RECK: variants seen among roughly 807,000 people sequenced by gnomAD.
The protein encoded by RECK is reversion inducing cysteine rich protein with kazal motifs.
Under a neutral mutation model 115.1 loss-of-function variants are expected in RECK, and 69 were observed. That is an observed-to-expected ratio of 0.60 (90% CI 0.49 to 0.73). The LOEUF is 0.73. Among genes scored for constraint, RECK ranks in the 30% least tolerant of loss-of-function variants. The pLI is 0.00. For synonymous variants in RECK, 414 were observed against 419.7 expected (o/e 0.99, Z 0.17); for missense variants, 1,047 against 1,203.7 (o/e 0.87, Z 1.93).
chr9:36,116,892 C>G lies in RECK; in HGVS notation c.2061-93C>G, dbSNP rs564827299. On this transcript the variant is annotated intron_variant, in intron 16 of 20. Coordinates refer to ENST00000377966, the MANE Select transcript of RECK (RefSeq NM_021111.3). ...ACTGTCCTGATTCATCTCTTGCTCT[C>G]TCTTCAGCCTCCTATCCCTCATCTA... The G allele has an allele frequency of 1.5e-5, 15 of 996,430 alleles. No homozygotes were observed. The East Asian group carries it at 3.4e-4, about 23-fold the overall frequency. 61.7% of individuals were successfully genotyped at this position (996,430 alleles called of 1,614,324 possible).
chr9:36,093,865 A>G (rs1211884185), intron 10 of RECK, among the ~76,000 whole-genome samples: 1 of 152,210 alleles, frequency 6.6e-6, no homozygotes, highest in Non-Finnish European at 1.5e-5. Context: ...GGAGAAAAAA[A>G]GACACTTTAC....
Position 36,121,683 on chromosome 9 carries a change from C to T in RECK, c.2689C>T (p.Leu897=), listed in dbSNP as rs1431040602. ...TCCCGTCGATCACTATCCAAAAGCT[C>T]TGCAGGTGAGTTCAGCACATGTTGT... ...IIPVDHYPKA[L]QIEACNKEAE... is the part of the protein sequence containing the mutation. Residue 897 remains leucine (L), a synonymous_variant, in exon 20 of 21, where the codon CTG becomes TTG. Transcript: ENST00000377966. 3.7e-6 allele frequency: 6 copies of T among 1,613,890 alleles called. No homozygotes were observed. The highest frequency in any genetic ancestry group is 3.3e-4 in the Middle Eastern group (2 of 6,084).
At chr9:36,075,092 GA>G (rs1299002559) in intron 6 of RECK, among the ~76,000 whole-genome samples, 1 of 152,240 alleles carries the variant, frequency 6.6e-6, no homozygotes, top group African/African-American at 2.4e-5. Flanking sequence ...GTCCAAGAGA[GA>G]AAGTGGAAAC....
chr9:36,122,386 G>A (rs558539330), intron 20 of RECK, among the ~76,000 whole-genome samples: 1 of 152,352 alleles, frequency 6.6e-6, no homozygotes. Context: ...AGAGGTGTGG[G>A]TAACAGGTGT....
intron 17 of RECK, 57 bp downstream of exon 17, chr9:36,117,234 ATT>A: frequency 7.2e-7 from 1 of 1,390,834 alleles, no homozygotes; most frequent in Non-Finnish European, 9.8e-7. Context: ...GGTTTATGAT[ATT>A]TTACAGATGA....
chr9:36,063,220 A>G (rs1369753161), intron 4 of RECK, among the ~76,000 whole-genome samples: 4 of 152,206 alleles, frequency 2.6e-5, no homozygotes, highest in Non-Finnish European at 5.9e-5. Flanking sequence ...CTGAACATCA[A>G]TTGAACCAGA....
In RECK at chr9:36,088,563, G is replaced by C. The variant is rs73648710; in HGVS notation, c.905+602G>C. On this transcript the variant is annotated intron_variant, in intron 9 of 20. Coordinates refer to ENST00000377966, the MANE Select transcript of RECK (RefSeq NM_021111.3). Reference sequence around the variant, plus strand: ...TTATTAGAGATATTTGGGGTAAAAAGGGACCCCATGTTACTCGGATATCCT... The same window carrying C: ...TTATTAGAGATATTTGGGGTAAAAACGGACCCCATGTTACTCGGATATCCT... Among the ~76,000 whole-genome samples, 1,329 of 152,252 alleles carry C rather than the reference G, an allele frequency of 8.7e-3. 20 individuals are homozygous for C. Among genetic ancestry groups the C allele is most frequent in the African/African-American group, 0.031 (1,274 of 41,544 alleles).
chr9:36,074,646 T>C (rs1397417053), intron 6 of RECK, among the ~76,000 whole-genome samples: 1 of 152,182 alleles, frequency 6.6e-6, no homozygotes, highest in African/African-American at 2.4e-5. Context: ...TTTTTCCCAC[T>C]CTGGAGAACA....
At chr9:36,120,774 T>C in intron 19 of RECK, 38 bp downstream of exon 19, 3 of 1,268,560 alleles carry the variant, frequency 2.4e-6, no homozygotes, top group Non-Finnish European at 3.5e-6. Context: ...TGAAATCTTA[T>C]TGCTAAGCCT....
chr9:36,039,522 T>TC (rs1366547517), intron 1 of RECK, among the ~76,000 whole-genome samples: 1 of 152,206 alleles, frequency 6.6e-6, no homozygotes, highest in Admixed American at 6.5e-5. Context: ...TTATTCCTAT[T>TC]CCTGGGGGAT....
At chr9:36,074,955 C>G (rs1822390371) in intron 6 of RECK, among the ~76,000 whole-genome samples, 1 of 152,236 alleles carries the variant, frequency 6.6e-6, no homozygotes, top group Admixed American at 6.5e-5. Context: ...TGTCTACAAT[C>G]AGATGGCAGG....
intron 4 of RECK, among the ~76,000 whole-genome samples, chr9:36,062,787 A>G (rs1409110433): frequency 6.6e-6 from 1 of 151,962 alleles, no homozygotes; most frequent in South Asian, 2.1e-4. Flanking sequence ...CCTATCTCCT[A>G]CTTTTGCCTT....
In RECK at chr9:36,117,162, C is replaced by G; in HGVS notation, c.2238C>G (p.Tyr746Ter). ...ACCAAAGAGGAAAAAGCCTCTCTTACAAAGGTCCCTGCCAGGTACAGTGCT... is the reference window on the plus strand; with the variant it reads ...ACCAAAGAGGAAAAAGCCTCTCTTAGAAAGGTCCCTGCCAGGTACAGTGCT... Reference protein sequence around the residue: ...TLYQRGKSLSYKGPCQPFCRA... With the variant: ...TLYQRGKSLS The change falls in exon 17 of 21, where the codon TAC becomes TAG. Residue 746 changes from tyrosine to a stop codon, truncating the protein, a stop_gained. Coordinates refer to ENST00000377966, the MANE Select transcript of RECK (RefSeq NM_021111.3). LOFTEE classifies it high-confidence loss of function. 6.2e-7 allele frequency: 1 copy of G among 1,611,750 alleles called. No individual in the cohort carries two copies. Among genetic ancestry groups the G allele is most frequent in the Non-Finnish European group, 8.5e-7 (1 of 1,178,534 alleles).
intron 1 of RECK, among the ~76,000 whole-genome samples, chr9:36,045,596 C>CTT (rs74741110): frequency 4.0e-3 from 510 of 128,414 alleles, no homozygotes; most frequent in African/African-American, 0.014. Flanking sequence ...TAGAGGGAAT[C>CTT]TTTTTTTTTT....
At chr9:36,096,879 G>T (rs903506874) in intron 10 of RECK, among the ~76,000 whole-genome samples, 20 of 152,000 alleles carry the variant, frequency 1.3e-4, no homozygotes, top group African/African-American at 4.1e-4. Flanking sequence ...TCAAGTCATA[G>T]ACTTGAGAGG....
Position 36,036,938 on chromosome 9 carries a change from C to A in RECK, c.-61C>A. On this transcript the variant is annotated 5_prime_UTR_variant, in exon 1 of 21. Coordinates refer to ENST00000377966, the MANE Select transcript of RECK (RefSeq NM_021111.3). ...GCGCGAGCGGCGGCGGTAGCGGCGG[C>A]AGCGGCTGCGGCCAAGCTGGGTCCG... 8.9e-7 allele frequency: 1 copy of A among 1,124,036 alleles called. No individual in the cohort carries two copies. Among genetic ancestry groups the A allele is most frequent in the South Asian group, 2.6e-5 (1 of 37,878 alleles). 69.6% of individuals were successfully genotyped at this position (1,124,036 alleles called of 1,614,324 possible). A position where few individuals can be genotyped will look rare whatever the true frequency, so the allele number is the denominator to read the frequency against.
At chr9:36,096,284 C>G (rs1217680080) in intron 10 of RECK, among the ~76,000 whole-genome samples, 1 of 151,790 alleles carries the variant, frequency 6.6e-6, no homozygotes, top group Non-Finnish European at 1.5e-5. Context: ...CGCCTGTAAT[C>G]CTAGCACTTT....
At chr9:36,065,432 A>G in intron 5 of RECK, 145 bp from the exon 6 acceptor site, 1 of 544,522 alleles carries the variant, frequency 1.8e-6, no homozygotes, top group Non-Finnish European at 3.0e-6. Context: ...GTATTTTAGG[A>G]AATTTAAAAT....
At chr9:36,040,606 G>T (rs12683983) in intron 1 of RECK, among the ~76,000 whole-genome samples, 8,901 of 152,068 alleles carry the variant, frequency 0.059, 408 homozygotes, top group South Asian at 0.18. Context: ...TTTTAGATCA[G>T]TATTGCTGCT....
Sources: allele counts gnomAD v4.1 joint callset (sites outside exome capture counted in the v4.1 genomes callset), GRCh38; gene constraint gnomAD v4.1.1; transcripts MANE v1.5; gene names NCBI Gene and HGNC (gene_info 2026-07-23, HGNC 2026-07-21).